Variants in HS3ST3A1 observed in about 807,000 individuals in gnomAD.
HS3ST3A1 encodes heparan sulfate-glucosamine 3-sulfotransferase 3A1, also known as heparan sulfate glucosamine 3-O-sulfotransferase 3A1.
HS3ST3A1 carries 19 observed loss-of-function variants against 25.7 expected under a neutral mutation model. The ratio of observed to expected loss-of-function variants is 0.74; its 90% CI spans 0.52 to 1.08. The LOEUF is 1.08. HS3ST3A1 is among the 50% of genes least tolerant of loss of function. The probability of loss-of-function intolerance (pLI) is 0.00; values close to 1 mark genes in which losing one functional copy is unlikely to be tolerated. For synonymous variants in HS3ST3A1, 226 were observed against 278.6 expected, an observed-to-expected ratio of 0.81 and a Z score of 1.88; for missense variants, 459 against 594.3, an observed-to-expected ratio of 0.77 and a Z score of 2.37.
chr17:13,547,823 G>T (rs189031021), intron 1 of HS3ST3A1, among the ~76,000 whole-genome samples: 1 of 152,138 alleles, frequency 6.6e-6, no homozygotes, highest in African/African-American at 2.4e-5. Context: ...CCTTGTGGGA[G>T]GGACTGAGCC....
rs186813235 is a variant in HS3ST3A1, at chr17:13,571,978, C to T, written c.599+28553G>A. Among the ~76,000 whole-genome samples the T allele has an allele frequency of 4.5e-3, 678 of 152,212 alleles. 1 individual carries two copies. Among genetic ancestry groups the T allele is most frequent in the Admixed American group, 5.7e-3 (87 of 15,304 alleles). ...TTTCGCCACACTAGCCAGTTGGTCT[C>T]GAACTCCTGACCTCATGTGATCCAC... On this transcript the variant is annotated intron_variant, in intron 1 of 1. Coordinates refer to ENST00000284110, the MANE Select transcript of HS3ST3A1 (RefSeq NM_006042.3).
At chr17:13,558,845 G>A (rs1907450958) in intron 1 of HS3ST3A1, among the ~76,000 whole-genome samples, 1 of 152,162 alleles carries the variant, frequency 6.6e-6, no homozygotes, top group Non-Finnish European at 1.5e-5. Context: ...CGAAATGCCA[G>A]TGTAAAAAAT....
intron 1 of HS3ST3A1, among the ~76,000 whole-genome samples, chr17:13,543,055 A>G (rs958490159): frequency 2.0e-5 from 3 of 152,128 alleles, no homozygotes; most frequent in African/African-American, 7.2e-5. Flanking sequence ...ACCTCGCCCT[A>G]TGCATCTCTT....
chr17:13,535,808 G>T lies in HS3ST3A1; in HGVS notation c.600-38990C>A, dbSNP rs537465078. 2.0e-5 allele frequency among the ~76,000 whole-genome samples: 3 copies of T among 152,256 alleles called. No homozygotes were observed. The South Asian group carries it at 6.2e-4, about 32-fold the overall frequency. On this transcript the variant is annotated intron_variant, in intron 1 of 1. Transcript: ENST00000284110. ...GAAACACACCTGTTCATTGCAAAAT[G>T]GCAAGTTGGTATCAAATGGCTTTTC...
At chr17:13,569,051 A>G (rs1907740332) in intron 1 of HS3ST3A1, among the ~76,000 whole-genome samples, 1 of 152,054 alleles carries the variant, frequency 6.6e-6, no homozygotes, top group Non-Finnish European at 1.5e-5. Flanking sequence ...TTTCTAATCT[A>G]TGAGGTCAAG....
chr17:13,526,410 G>A (rs1906421134), intron 1 of HS3ST3A1, among the ~76,000 whole-genome samples: 1 of 146,908 alleles, frequency 6.8e-6, no homozygotes, highest in African/African-American at 2.5e-5. Flanking sequence ...GGGAATTGGG[G>A]GGAAGGAAAC....
At chr17:13,529,829 C>G (rs936885842) in intron 1 of HS3ST3A1, among the ~76,000 whole-genome samples, 2 of 152,098 alleles carry the variant, frequency 1.3e-5, no homozygotes, top group Non-Finnish European at 2.9e-5. Flanking sequence ...TAGGGTTACT[C>G]CATGAAATGA....
At chr17:13,524,430 GT>G (rs938341064) in intron 1 of HS3ST3A1, among the ~76,000 whole-genome samples, 2 of 151,614 alleles carry the variant, frequency 1.3e-5, no homozygotes, top group South Asian at 2.1e-4. Flanking sequence ...GCTAATTTTT[GT>G]TTTTTTTGTA....
At chr17:13,553,008 G>A (rs1020237590) in intron 1 of HS3ST3A1, among the ~76,000 whole-genome samples, 1 of 152,116 alleles carries the variant, frequency 6.6e-6, no homozygotes, top group Non-Finnish European at 1.5e-5. Flanking sequence ...TAGTCCCCTG[G>A]GTCTAAGGCT....
chr17:13,496,209 G>A lies in HS3ST3A1; in HGVS notation c.1209C>T (p.Gly403=). 1 of 1,599,346 alleles carries A rather than the reference G, an allele frequency of 6.3e-7. No homozygotes were observed. ...TTAAATTATATGGTTATCCATCCCAGCCAAAGTCGTGCCCGGTCATCTGGT... is the reference window on the plus strand; with the variant it reads ...TTAAATTATATGGTTATCCATCCCAACCAAAGTCGTGCCCGGTCATCTGGT... The part of the protein sequence containing the change: ...KFYQMTGHDF[G]WDG Residue 403 remains glycine, a synonymous_variant, in exon 2 of 2, where the codon GGC becomes GGT. Coordinates refer to ENST00000284110, the MANE Select transcript of HS3ST3A1 (RefSeq NM_006042.3).
intron 1 of HS3ST3A1, among the ~76,000 whole-genome samples, chr17:13,523,916 T>C (rs535217978): frequency 6.6e-6 from 1 of 152,276 alleles, no homozygotes; most frequent in Non-Finnish European, 1.5e-5. Flanking sequence ...TATTTACCCA[T>C]TTTCATTCTT....
chr17:13,551,629 G>T (rs1366953946), intron 1 of HS3ST3A1, among the ~76,000 whole-genome samples: 1 of 148,946 alleles, frequency 6.7e-6, no homozygotes, highest in Non-Finnish European at 1.5e-5. Context: ...AAAAAAAGGG[G>T]GGGGGGTATT....
Position 13,531,674 on chromosome 17 carries a change from C to A in HS3ST3A1, c.600-34856G>T, listed in dbSNP as rs61092548. Reference sequence around the variant, plus strand: ...ATTATTTGAAATGTCTCTCTCCAGACCTTATTTTTGATAAATTGGCTTCAG... The same window carrying A: ...ATTATTTGAAATGTCTCTCTCCAGAACTTATTTTTGATAAATTGGCTTCAG... On this transcript the variant is annotated intron_variant, in intron 1 of 1. Coordinates refer to ENST00000284110, the MANE Select transcript of HS3ST3A1 (RefSeq NM_006042.3). Among the ~76,000 whole-genome samples, 6 of 152,072 alleles carry A rather than the reference C, an allele frequency of 3.9e-5. No homozygotes were observed. The East Asian group carries it at 1.2e-3, about 29-fold the overall frequency.
At chr17:13,588,163 A>G (rs1160862132) in intron 1 of HS3ST3A1, among the ~76,000 whole-genome samples, 1 of 152,190 alleles carries the variant, frequency 6.6e-6, no homozygotes, top group Non-Finnish European at 1.5e-5. Context: ...GTATTCATTT[A>G]CATATCGTCT....
chr17:13,561,556 G>A (rs1279715668), intron 1 of HS3ST3A1, among the ~76,000 whole-genome samples: 1 of 152,012 alleles, frequency 6.6e-6, no homozygotes, highest in Non-Finnish European at 1.5e-5. Flanking sequence ...ACCATGCCCT[G>A]CTAATTTTTG....
intron 1 of HS3ST3A1, among the ~76,000 whole-genome samples, chr17:13,518,658 G>T (rs9911028): frequency 1.3e-5 from 2 of 152,212 alleles, no homozygotes; most frequent in Non-Finnish European, 2.9e-5. Context: ...TACAAGAAGA[G>T]ACTTGAAAAT....
At chr17:13,578,172 G>A (rs1907996021) in intron 1 of HS3ST3A1, among the ~76,000 whole-genome samples, 1 of 152,008 alleles carries the variant, frequency 6.6e-6, no homozygotes, top group African/African-American at 2.4e-5. Context: ...TGAACAATAA[G>A]GATTGCCTAA....
intron 1 of HS3ST3A1, among the ~76,000 whole-genome samples, chr17:13,530,767 A>C (rs1906581682): frequency 6.6e-6 from 1 of 152,074 alleles, no homozygotes; most frequent in South Asian, 2.1e-4. Flanking sequence ...AGTATAAGCA[A>C]CTCAATCGCT....
At chr17:13,500,168 A>T (rs959619388) in intron 1 of HS3ST3A1, among the ~76,000 whole-genome samples, 127 of 152,232 alleles carry the variant, frequency 8.3e-4, no homozygotes, top group African/African-American at 2.8e-3. Context: ...ACTGTCATAT[A>T]AAACAAAAGG....
Sources: gnomAD v4.1 joint callset for allele counts (sites outside exome capture counted in the v4.1 genomes callset) on GRCh38, gnomAD v4.1.1 for gene constraint, MANE v1.5 for transcripts, NCBI Gene and HGNC (gene_info 2026-07-23, HGNC 2026-07-21) for gene names.